The following MACROD2 variants were observed in gnomAD, a reference collection of about 807,000 sequenced individuals.
MACROD2 encodes mono-ADP ribosylhydrolase 2, also known as ADP-ribose glycohydrolase MACROD2.
A neutral mutation model predicts 70.4 loss-of-function variants in MACROD2; 36 were observed. The ratio of observed to expected loss-of-function variants is 0.51; its 90% CI spans 0.39 to 0.68. The LOEUF (loss-of-function observed/expected upper bound fraction) is 0.68, where lower values mean the gene tolerates loss of function less well. MACROD2 is among the 30% of genes least tolerant of loss of function. The pLI, the probability that MACROD2 is intolerant of heterozygous loss-of-function variation, is 0.00. For synonymous variants in MACROD2, 172 were observed against 178.8 expected, an observed-to-expected ratio of 0.96 and a Z score of 0.30; for missense variants, 496 against 538.4, an observed-to-expected ratio of 0.92 and a Z score of 0.78.
chr20:15,668,895 G>A (rs919496730), intron 8 of MACROD2, among the ~76,000 whole-genome samples: 1 of 152,068 alleles, frequency 6.6e-6, no homozygotes, highest in Non-Finnish European at 1.5e-5. Flanking sequence ...TAACTAGTAG[G>A]CTCCTGTAAA....
At chr20:15,038,675 G>A (rs537330980) in intron 5 of MACROD2, among the ~76,000 whole-genome samples, 5 of 152,126 alleles carry the variant, frequency 3.3e-5, no homozygotes, top group South Asian at 4.1e-4. Context: ...AAGGGGTGAC[G>A]TTCAATGTGC....
intron 6 of MACROD2, among the ~76,000 whole-genome samples, chr20:15,317,737 G>A (rs1600235106): frequency 4.6e-5 from 7 of 151,772 alleles, no homozygotes; most frequent in Middle Eastern, 6.8e-3. Context: ...TCAGCTAAAG[G>A]TAGTCAAGCA....
At chr20:15,003,870 C>G (rs553267069) in intron 5 of MACROD2, among the ~76,000 whole-genome samples, 1 of 152,154 alleles carries the variant, frequency 6.6e-6, no homozygotes, top group Non-Finnish European at 1.5e-5. Flanking sequence ...ATTGTAGAAC[C>G]TAAGATTGGC....
At chr20:14,125,370 G>C (rs2054635605) in intron 3 of MACROD2, among the ~76,000 whole-genome samples, 1 of 152,124 alleles carries the variant, frequency 6.6e-6, no homozygotes, top group Non-Finnish European at 1.5e-5. Flanking sequence ...CTAAAATCTT[G>C]ACAGCCACTT....
intron 4 of MACROD2, among the ~76,000 whole-genome samples, chr20:14,572,668 A>G (rs952496626): frequency 1.3e-5 from 2 of 152,028 alleles, no homozygotes; most frequent in East Asian, 3.9e-4. Flanking sequence ...GACAAAACTA[A>G]TCTCAGGATA....
intron 4 of MACROD2, among the ~76,000 whole-genome samples, chr20:14,604,396 G>A (rs576369879): frequency 6.6e-6 from 1 of 152,092 alleles, no homozygotes; most frequent in Non-Finnish European, 1.5e-5. Flanking sequence ...GCTCTTGTGG[G>A]TATAGGTCCC....
chr20:14,613,359 G>A (rs1187985253), intron 4 of MACROD2, among the ~76,000 whole-genome samples: 3 of 152,080 alleles, frequency 2.0e-5, no homozygotes, highest in Non-Finnish European at 4.4e-5. Flanking sequence ...TTCCCTGTGA[G>A]AGAGTATTTT....
At chr20:14,702,602 T>TACAC (rs2071214092) in intron 5 of MACROD2, among the ~76,000 whole-genome samples, 4 of 67,230 alleles carry the variant, frequency 5.9e-5, no homozygotes, top group African/African-American at 6.1e-5. Context: ...TATATGTGTG[T>TACAC]ATATATATGT....
intron 3 of MACROD2, among the ~76,000 whole-genome samples, chr20:14,203,347 ACAT>A (rs1028344253): frequency 1.3e-5 from 2 of 151,816 alleles, no homozygotes; most frequent in African/African-American, 4.8e-5. Context: ...AGTTCCTTTA[ACAT>A]CATTATTTTG....
At chr20:15,657,161 A>G (rs1035645111) in intron 8 of MACROD2, among the ~76,000 whole-genome samples, 1 of 152,236 alleles carries the variant, frequency 6.6e-6, no homozygotes, top group African/African-American at 2.4e-5. Flanking sequence ...GGCCACATGG[A>G]AAATTTAAAA....
At chr20:14,295,653 A>C (rs2082421086) in intron 3 of MACROD2, among the ~76,000 whole-genome samples, 3 of 151,610 alleles carry the variant, frequency 2.0e-5, no homozygotes. Context: ...TTATTATTTA[A>C]ATGTTATTTG....
chr20:15,263,847 G>A (rs408570), intron 6 of MACROD2, among the ~76,000 whole-genome samples: 136,953 of 152,104 alleles, frequency 0.9, 61,976 homozygotes, highest in Non-Finnish European at 0.94. Context: ...CACTGTTGGT[G>A]TCTAGAAATG....
intron 8 of MACROD2, among the ~76,000 whole-genome samples, chr20:15,839,843 A>T (rs1426931507): frequency 6.6e-6 from 1 of 152,146 alleles, no homozygotes; most frequent in African/African-American, 2.4e-5. Context: ...ATTATTTATT[A>T]TGTTGCAATA....
chr20:14,992,546 T>G (rs764293676), intron 5 of MACROD2, among the ~76,000 whole-genome samples: 1 of 152,178 alleles, frequency 6.6e-6, no homozygotes, highest in African/African-American at 2.4e-5. Context: ...TTGCCATATA[T>G]AATTAATCCA....
chr20:14,007,224 C>T (rs1046155015), intron 2 of MACROD2, among the ~76,000 whole-genome samples: 11 of 152,126 alleles, frequency 7.2e-5, no homozygotes, highest in Non-Finnish European at 1.5e-4. Flanking sequence ...TTTTATTATG[C>T]AGTACGGTTT....
chr20:15,778,778 CAG>C (rs1456278581), intron 8 of MACROD2, among the ~76,000 whole-genome samples: 1 of 151,966 alleles, frequency 6.6e-6, no homozygotes, highest in African/African-American at 2.4e-5. Context: ...TCTATAAACA[CAG>C]AATATTCTTG....
chr20:15,766,470 T>G lies in MACROD2; in HGVS notation c.646-96275T>G, dbSNP rs566604983. ...ACTCAAGTAAACTTTTTTTCCTTCT[T>G]CAAACAAGTCTCTTATTCTCTCCTG... On this transcript the variant is annotated intron_variant, in intron 8 of 17. Transcript: ENST00000684519. Among the ~76,000 whole-genome samples the G allele has an allele frequency of 6.6e-5, 10 of 152,332 alleles. No homozygotes were observed. In the South Asian group the frequency reaches 1.7e-3, roughly 25 times the overall value.
intron 6 of MACROD2, among the ~76,000 whole-genome samples, chr20:15,320,533 C>G (rs951727915): frequency 6.6e-6 from 1 of 152,146 alleles, no homozygotes; most frequent in Non-Finnish European, 1.5e-5. Flanking sequence ...GGTTCAAATT[C>G]CTCATTCATT....
At chr20:15,845,588 C>A (rs955516146) in intron 8 of MACROD2, among the ~76,000 whole-genome samples, 3 of 152,016 alleles carry the variant, frequency 2.0e-5, no homozygotes, top group African/African-American at 7.2e-5. Flanking sequence ...TGAATGGGAG[C>A]AAACTAGATA....
Sources: gnomAD v4.1 joint callset for allele counts (sites outside exome capture counted in the v4.1 genomes callset) on GRCh38, gnomAD v4.1.1 for gene constraint, MANE v1.5 for transcripts, NCBI Gene and HGNC (gene_info 2026-07-23, HGNC 2026-07-21) for gene names.